The following SNTG2 variants were observed in gnomAD, a reference collection of about 807,000 sequenced individuals.
SNTG2 encodes gamma-2-syntrophin.
SNTG2 carries 74 observed loss-of-function variants against 70.9 expected under a neutral mutation model. That is an observed-to-expected ratio of 1.04 (90% CI 0.86 to 1.27). The LOEUF is 1.27. Among genes scored for constraint, SNTG2 ranks in the 50% most tolerant of loss-of-function variants. SNTG2 has a pLI of 0.00. For missense variants in SNTG2, 717 were observed against 690.7 expected (o/e 1.04, Z -0.43); for synonymous variants, 278 against 273.8 (o/e 1.02, Z -0.15).
intron 1 of SNTG2, among the ~76,000 whole-genome samples, chr2:963,428 A>G (rs1410221672): frequency 6.6e-6 from 1 of 152,130 alleles, no homozygotes; most frequent in Non-Finnish European, 1.5e-5. Context: ...TTCTGGGAAA[A>G]GTATTAGGAA....
intron 16 of SNTG2, among the ~76,000 whole-genome samples, chr2:1,320,534 C>CAAAAA (rs35391780): frequency 6.7e-5 from 6 of 89,430 alleles, no homozygotes; most frequent in African/African-American, 2.0e-4. Flanking sequence ...GACTCCTTCT[C>CAAAAA]AAAAAAAAAA....
At chr2:1,065,654 A>G (rs1039399940) in intron 1 of SNTG2, among the ~76,000 whole-genome samples, 9 of 152,256 alleles carry the variant, frequency 5.9e-5, no homozygotes, top group South Asian at 2.1e-4. Context: ...GTTGCAAATC[A>G]TGAACTTTCT....
intron 16 of SNTG2, among the ~76,000 whole-genome samples, chr2:1,351,524 T>C (rs143755249): frequency 3.5e-4 from 53 of 152,256 alleles, no homozygotes; most frequent in African/African-American, 1.3e-3. Context: ...TCTTTGAATC[T>C]AACCCGACGA....
chr2:1,068,818 G>A (rs537490262), intron 1 of SNTG2, among the ~76,000 whole-genome samples: 8 of 152,136 alleles, frequency 5.3e-5, no homozygotes, highest in African/African-American at 1.7e-4. Context: ...AGCTTGTGAC[G>A]TACTATGTTT....
intron 16 of SNTG2, among the ~76,000 whole-genome samples, chr2:1,351,062 TA>T (rs1470588153): frequency 2.0e-5 from 3 of 151,918 alleles, no homozygotes; most frequent in East Asian, 3.9e-4. Flanking sequence ...AGGAGTTATT[TA>T]TCTTTGTCAG....
intron 9 of SNTG2, among the ~76,000 whole-genome samples, chr2:1,222,039 C>CTCTGTT (rs1675114343): frequency 9.4e-4 from 6 of 6,386 alleles, no homozygotes; most frequent in African/African-American, 4.3e-3. Flanking sequence ...CTATCTCTGT[C>CTCTGTT]TCTCTCTGTC....
chr2:1,048,750 G>A (rs1661886068), intron 1 of SNTG2, among the ~76,000 whole-genome samples: 1 of 152,186 alleles, frequency 6.6e-6, no homozygotes, highest in Non-Finnish European at 1.5e-5. Context: ...CTGACAAGCA[G>A]TTTTCCAAAG....
chr2:1,137,859 A>G, intron 6 of SNTG2, 50 bp downstream of exon 6: 1 of 1,511,272 alleles, frequency 6.6e-7, no homozygotes, highest in African/African-American at 1.4e-5. Flanking sequence ...CTTGTATTTG[A>G]ATTATTTGTC....
At chr2:1,123,630 C>T (rs1468056095) in intron 4 of SNTG2, among the ~76,000 whole-genome samples, 3 of 152,140 alleles carry the variant, frequency 2.0e-5, no homozygotes, top group South Asian at 2.1e-4. Flanking sequence ...GAGAAGAGCT[C>T]GTTGATATTG....
chr2:1,231,806 CA>C (rs1342182960), intron 9 of SNTG2, among the ~76,000 whole-genome samples: 1 of 152,050 alleles, frequency 6.6e-6, no homozygotes, highest in Non-Finnish European at 1.5e-5. Context: ...TGGGTCTTCT[CA>C]AACATTTACT....
chr2:1,049,047 T>C (rs1661903063), intron 1 of SNTG2, among the ~76,000 whole-genome samples: 1 of 152,162 alleles, frequency 6.6e-6, no homozygotes, highest in African/African-American at 2.4e-5. Flanking sequence ...GGACATAAAA[T>C]ATACAGATTT....
chr2:952,428 C>T (rs1660004181), intron 1 of SNTG2, among the ~76,000 whole-genome samples: 1 of 152,216 alleles, frequency 6.6e-6, no homozygotes, highest in Admixed American at 6.5e-5. Flanking sequence ...CATCATACTT[C>T]ATGATTGACC....
At chr2:1,262,081 G>A (rs1294019096) in intron 13 of SNTG2, among the ~76,000 whole-genome samples, 1 of 152,186 alleles carries the variant, frequency 6.6e-6, no homozygotes, top group East Asian at 1.9e-4. Context: ...CTAAAGCCAT[G>A]TCAGGACAAA....
Position 1,233,870 on chromosome 2 carries a change from G to A in SNTG2, c.720-4018G>A, listed in dbSNP as rs559200111. 2.0e-5 allele frequency among the ~76,000 whole-genome samples: 3 copies of A among 152,220 alleles called. No individual in the cohort carries two copies. In the South Asian group the frequency reaches 6.2e-4, roughly 32 times the overall value. ...AGTGCTTGACTTCCCCATGGATGGC[G>A]AGTGTCTGGGAGCTGGTTTGGTTTC... On this transcript the variant is annotated intron_variant, in intron 9 of 16. Coordinates refer to ENST00000308624, the MANE Select transcript of SNTG2 (RefSeq NM_018968.4).
At chr2:1,064,414 C>T (rs1663019381) in intron 1 of SNTG2, among the ~76,000 whole-genome samples, 1 of 150,754 alleles carries the variant, frequency 6.6e-6, no homozygotes, top group Non-Finnish European at 1.5e-5. Flanking sequence ...TGTTTTAATG[C>T]ATTGATATAT....
At chr2:1,135,446 G>T (rs150207412) in intron 4 of SNTG2, among the ~76,000 whole-genome samples, 1 of 152,200 alleles carries the variant, frequency 6.6e-6, no homozygotes, top group Non-Finnish European at 1.5e-5. Flanking sequence ...TCGGCCAGGC[G>T]TGGTGGCTCA....
intron 6 of SNTG2, among the ~76,000 whole-genome samples, chr2:1,164,589 G>A (rs1670580003): frequency 6.7e-6 from 1 of 149,452 alleles, no homozygotes; most frequent in Non-Finnish European, 1.5e-5. Flanking sequence ...CTAGGAGGAT[G>A]AAGTGAGATA....
chr2:979,865 C>G (rs1345942457), intron 1 of SNTG2, among the ~76,000 whole-genome samples: 1 of 148,156 alleles, frequency 6.7e-6, no homozygotes, highest in East Asian at 1.9e-4. Context: ...AAAGTTATTG[C>G]CAAAGTTTAT....
chr2:999,043 A>G (rs1227289849), intron 1 of SNTG2, among the ~76,000 whole-genome samples: 1 of 152,086 alleles, frequency 6.6e-6, no homozygotes, highest in East Asian at 1.9e-4. Flanking sequence ...ATCTTGCTAC[A>G]CTAAGCTTCA....
Sources: gnomAD v4.1 joint callset for allele counts (sites outside exome capture counted in the v4.1 genomes callset) on GRCh38, gnomAD v4.1.1 for gene constraint, MANE v1.5 for transcripts, NCBI Gene and HGNC (gene_info 2026-07-23, HGNC 2026-07-21) for gene names.